The following SPAG1 variants were observed in gnomAD, a reference collection of about 807,000 sequenced individuals.
The protein encoded by SPAG1 is sperm associated antigen 1, also known as sperm-associated antigen 1.
A neutral mutation model predicts 100.5 loss-of-function variants in SPAG1; 69 were observed. That is an observed-to-expected ratio of 0.69 (90% CI 0.57 to 0.84). SPAG1 has a LOEUF of 0.84. Among genes scored for constraint, SPAG1 ranks in the 40% least tolerant of loss-of-function variants. The probability of loss-of-function intolerance (pLI) is 0.00; values close to 1 mark genes in which losing one functional copy is unlikely to be tolerated. For missense variants in SPAG1, 955 were observed against 1,133.1 expected, an observed-to-expected ratio of 0.84 and a Z score of 2.26; for synonymous variants, 336 against 411.6, an observed-to-expected ratio of 0.82 and a Z score of 2.22.
At chr8:100,165,633 T>G (rs1447272158) in intron 2 of SPAG1, among the ~76,000 whole-genome samples, 181 bp from the exon 3 acceptor site, 1 of 152,172 alleles carries the variant, frequency 6.6e-6, no homozygotes, top group Non-Finnish European at 1.5e-5. Context: ...TTTCTTCTTT[T>G]AATCATTCCA....
intron 3 of SPAG1, among the ~76,000 whole-genome samples, chr8:100,176,006 G>A (rs1816095953): frequency 6.6e-6 from 1 of 152,046 alleles, no homozygotes; most frequent in Non-Finnish European, 1.5e-5. Context: ...CTTAAATCCT[G>A]GTGCTTGCTT....
intron 3 of SPAG1, among the ~76,000 whole-genome samples, chr8:100,173,007 T>C (rs1351222732): frequency 4.0e-5 from 6 of 150,544 alleles, no homozygotes. Context: ...TTCCCCATTG[T>C]GTGTCTTTGC....
Position 100,158,635 on chromosome 8 carries a change from C to T in SPAG1, c.-3+19C>T, listed in dbSNP as rs1471732451. The stretch of plus-strand genomic sequence containing the variant: ...ACTGGAGGTATTACTAAGCTGGCTA[C>T]GAAATATGGGAGGTGGATGTGGATC... On this transcript the variant is annotated intron_variant, in intron 1 of 18. Coordinates refer to ENST00000388798, the MANE Select transcript of SPAG1 (RefSeq NM_003114.5). The T allele has an allele frequency of 6.6e-6, 1 of 152,022 alleles. No individual in the cohort carries two copies. The highest frequency in any genetic ancestry group is 2.4e-5 in the African/African-American group (1 of 41,362). 9.4% of individuals were successfully genotyped at this position (152,022 alleles called of 1,614,324 possible). A position where few individuals can be genotyped will look rare whatever the true frequency, so the allele number is the denominator to read the frequency against.
chr8:100,213,108 G>C lies in SPAG1; in HGVS notation c.1115G>C (p.Gly372Ala). ...CTCACAGAGCCCGCGGAGCCGGCGG[G>C]AGCCGCGCGCGCCGCCCAGCCGTGC... ...GGDKKPAEPA[G>A]AARAAQPCVM... Residue 372 changes from glycine to alanine, a missense_variant, in exon 11 of 19, where the codon GGA becomes GCA. Transcript: ENST00000388798. 2.0e-6 allele frequency: 3 copies of C among 1,479,448 alleles called. No homozygotes were observed. Among genetic ancestry groups the C allele is most frequent in the African/African-American group, 1.5e-5 (1 of 68,190 alleles). 91.6% of individuals were successfully genotyped at this position (1,479,448 alleles called of 1,614,324 possible).
In SPAG1 at chr8:100,194,376, G is replaced by A. The variant is rs756832850; in HGVS notation, c.1096+108G>A. 145 of 1,464,046 alleles carry A rather than the reference G, an allele frequency of 9.9e-5. No homozygotes were observed. In the Admixed American group the frequency reaches 2.9e-3, roughly 29 times the overall value. The allele number at this position is 1,464,046 out of a possible 1,614,324, so 90.7% of individuals were successfully genotyped here. On this transcript the variant is annotated intron_variant, in intron 10 of 18. Transcript: ENST00000388798. Reference sequence around the variant, plus strand: ...AATTCGTAATCTATCAGTTTTTCTAGCTTTGCCTTGTAAATTCACAAGCCA... The same window carrying A: ...AATTCGTAATCTATCAGTTTTTCTAACTTTGCCTTGTAAATTCACAAGCCA...
chr8:100,163,719 C>T (rs895887123), intron 2 of SPAG1, among the ~76,000 whole-genome samples: 1 of 152,146 alleles, frequency 6.6e-6, no homozygotes, highest in Non-Finnish European at 1.5e-5. Context: ...TGTTGGTCCA[C>T]AGCCAGATGC....
At chr8:100,185,455 T>C (rs1816545504) in intron 7 of SPAG1, among the ~76,000 whole-genome samples, 1 of 152,196 alleles carries the variant, frequency 6.6e-6, no homozygotes, top group Non-Finnish European at 1.5e-5. Context: ...GTAGCACTTG[T>C]CAGAAGTATA....
Position 100,240,457 on chromosome 8 carries a change from T to C in SPAG1, c.2335T>C (p.Cys779Arg). 2 of 1,613,930 alleles carry C rather than the reference T, an allele frequency of 1.2e-6. No individual in the cohort carries two copies. Among genetic ancestry groups the C allele is most frequent in the Non-Finnish European group, 1.7e-6 (2 of 1,179,904 alleles). The change falls in exon 18 of 19, where the codon TGC becomes CGC. Residue 779 changes from cysteine to arginine, a missense_variant. Transcript: ENST00000388798. ...ACCTGCAGGGGAGGTCTCCATGGGATGCCTTGCTTCTGAGAAGGGAGGCAA... is the reference window on the plus strand; with the variant it reads ...ACCTGCAGGGGAGGTCTCCATGGGACGCCTTGCTTCTGAGAAGGGAGGCAA... Reference protein sequence around the residue: ...GRPAGEVSMGCLASEKGGKSS... With the variant: ...GRPAGEVSMGRLASEKGGKSS...
intron 16 of SPAG1, among the ~76,000 whole-genome samples, chr8:100,236,135 T>G (rs7813008): frequency 0.028 from 4,273 of 152,318 alleles, 196 homozygotes; most frequent in African/African-American, 0.096. Context: ...TCATTAATAC[T>G]TCATTGGACT....
chr8:100,211,020 G>A (rs1817697696), intron 10 of SPAG1, among the ~76,000 whole-genome samples: 1 of 151,830 alleles, frequency 6.6e-6, no homozygotes, highest in Non-Finnish European at 1.5e-5. Context: ...GTAGAGACAG[G>A]GTTCACCATG....
intron 16 of SPAG1, among the ~76,000 whole-genome samples, chr8:100,234,806 G>T (rs549634971): frequency 6.6e-6 from 1 of 152,244 alleles, no homozygotes; most frequent in East Asian, 1.9e-4. Flanking sequence ...GATCCTGAGG[G>T]GCTTGGTAGG....
At chr8:100,166,783 T>G (rs1182835852) in intron 3 of SPAG1, among the ~76,000 whole-genome samples, 1 of 152,094 alleles carries the variant, frequency 6.6e-6, no homozygotes, top group African/African-American at 2.4e-5. Context: ...GGCATGTGTC[T>G]GTAATCCCAG....
intron 3 of SPAG1, among the ~76,000 whole-genome samples, chr8:100,174,258 C>A (rs1401276848): frequency 6.6e-6 from 1 of 151,956 alleles, no homozygotes; most frequent in Non-Finnish European, 1.5e-5. Flanking sequence ...TGTATTCTTA[C>A]AATAAAGTAA....
At position 100,225,250 on chromosome 8, in the gene SPAG1, C is replaced by G; in HGVS notation, c.1766C>G (p.Ser589Cys). 6.2e-7 allele frequency: 1 copy of G among 1,613,896 alleles called. No individual in the cohort carries two copies. The highest frequency in any genetic ancestry group is 8.5e-7 in the Non-Finnish European group (1 of 1,179,914). The change falls in exon 14 of 19, where the codon TCT (serine) becomes TGT (cysteine). Residue 589 changes from serine to cysteine, a missense_variant. Ser to Cys is a moderately radical substitution (Grantham distance 112). Coordinates refer to ENST00000388798, the MANE Select transcript of SPAG1 (RefSeq NM_003114.5). ...KLSPIPAVPA[S>C]VPLQAWHPAK... ...TCACCTATTCCTGCTGTGCCTGCTT[C>G]TGTGCCACTGCAAGCTTGGCATCCG... is the stretch of plus-strand genomic sequence containing the variant.
chr8:100,232,233 C>A (rs566945988), intron 15 of SPAG1, among the ~76,000 whole-genome samples: 6 of 152,258 alleles, frequency 3.9e-5, no homozygotes, highest in Non-Finnish European at 7.4e-5. Context: ...TGTGAAGACT[C>A]CTCCTCCTCT....
rs112220306 is a variant in SPAG1 at position 100,219,001 on chromosome 8, G to A, written c.1536-1278G>A. On this transcript the variant is annotated intron_variant, in intron 12 of 18. Transcript: ENST00000388798. Reference sequence around the variant, plus strand: ...GTGCTCAGGACAGGCAATGCCAATTGCCTTCCTGAAGCTCACATTAGAAAG... The same window carrying A: ...GTGCTCAGGACAGGCAATGCCAATTACCTTCCTGAAGCTCACATTAGAAAG... Among the ~76,000 whole-genome samples, 26 of 152,270 alleles carry A rather than the reference G, an allele frequency of 1.7e-4. 1 individual carries two copies. Among genetic ancestry groups the A allele is most frequent in the African/African-American group, 6.0e-4 (25 of 41,544 alleles).
chr8:100,168,685 A>ACCTTTTTTTTTTTTTTTTTT (rs1815675141), intron 3 of SPAG1, among the ~76,000 whole-genome samples: 1 of 55,380 alleles, frequency 1.8e-5, no homozygotes, highest in African/African-American at 8.9e-5. Flanking sequence ...ATGCCCAGCC[A>ACCTTTTTTTTTTTTTTTTTT]TCTTTTTTTT....
At chr8:100,208,469 G>C (rs370021104) in intron 10 of SPAG1, among the ~76,000 whole-genome samples, 1 of 152,246 alleles carries the variant, frequency 6.6e-6, no homozygotes, top group African/African-American at 2.4e-5. Context: ...ATGAAAGTTT[G>C]GATCACTCCA....
In SPAG1 at chr8:100,179,063, C is replaced by CAA. The variant is rs34312235; in HGVS notation, c.426+1137_426+1138dup. On this transcript the variant is annotated intron_variant, in intron 4 of 18. Coordinates refer to ENST00000388798, the MANE Select transcript of SPAG1 (RefSeq NM_003114.5). ...CGAGCTGAGATTGTCTCCTCTGTCT[C>CAA]AAAAAAAAAAAAAAAACCACAAAAA... is the stretch of plus-strand genomic sequence containing the variant. Among the ~76,000 whole-genome samples the CAA allele has an allele frequency of 8.3e-3, 932 of 111,992 alleles. 5 individuals carry two copies. Among genetic ancestry groups the CAA allele is most frequent in the South Asian group, 0.033 (108 of 3,322 alleles). 73.5% of individuals were successfully genotyped at this position (111,992 alleles called of 152,430 possible).
Sources: gnomAD v4.1 joint callset for allele counts (sites outside exome capture counted in the v4.1 genomes callset) on GRCh38, gnomAD v4.1.1 for gene constraint, MANE v1.5 for transcripts, NCBI Gene and HGNC (gene_info 2026-07-23, HGNC 2026-07-21) for gene names.